Variants in TNR observed in about 807,000 individuals in gnomAD.
TNR encodes the protein tenascin R.
Under a neutral mutation model 150.4 loss-of-function variants are expected in TNR, and 45 were observed. That is an observed-to-expected ratio of 0.30 (90% CI 0.24 to 0.38). The LOEUF (loss-of-function observed/expected upper bound fraction) is 0.38. Ranked by LOEUF, TNR falls within the 10% of genes least tolerant of loss-of-function variation. TNR has a pLI of 1.00. For synonymous variants in TNR, 687 were observed against 678.4 expected, an observed-to-expected ratio of 1.01 and a Z score of -0.20; for missense variants, 1,544 against 1,759.1, an observed-to-expected ratio of 0.88 and a Z score of 2.19.
chr1:175,624,553 T>C (rs1048353470), intron 1 of TNR, among the ~76,000 whole-genome samples: 4 of 151,910 alleles, frequency 2.6e-5, no homozygotes, highest in East Asian at 1.9e-4. Flanking sequence ...AGCCAAGAAA[T>C]GCTAAGGAGT....
At chr1:175,396,375 T>A (rs1653424854) in intron 5 of TNR, among the ~76,000 whole-genome samples, 169 bp downstream of exon 5, 1 of 152,248 alleles carries the variant, frequency 6.6e-6, no homozygotes, top group Non-Finnish European at 1.5e-5. Context: ...AAGTGCCTTT[T>A]TAATGATGTA....
chr1:175,582,261 G>A (rs767526183), intron 1 of TNR, among the ~76,000 whole-genome samples: 13 of 152,154 alleles, frequency 8.5e-5, no homozygotes, highest in Non-Finnish European at 1.5e-4. Flanking sequence ...TTGTTTTTGA[G>A]TTCTTGAAAG....
chr1:175,584,350 A>C (rs1468267130), intron 1 of TNR, among the ~76,000 whole-genome samples: 1 of 152,232 alleles, frequency 6.6e-6, no homozygotes, highest in Non-Finnish European at 1.5e-5. Context: ...CAAGAATTGC[A>C]GAGAAACACC....
At chr1:175,437,958 A>G (rs913761653) in intron 2 of TNR, among the ~76,000 whole-genome samples, 1 of 152,242 alleles carries the variant, frequency 6.6e-6, no homozygotes, top group Non-Finnish European at 1.5e-5. Context: ...TACAAGGAGG[A>G]GCTGGTACCA....
intron 3 of TNR, 29 bp downstream of exon 3, chr1:175,406,187 A>G: frequency 6.2e-7 from 1 of 1,601,196 alleles, no homozygotes; most frequent in Non-Finnish European, 8.5e-7. Flanking sequence ...TCCCCTCCTG[A>G]GACCACGCTG....
chr1:175,710,132 A>G (rs1297328925), intron 1 of TNR, among the ~76,000 whole-genome samples: 1 of 152,162 alleles, frequency 6.6e-6, no homozygotes, highest in Non-Finnish European at 1.5e-5. Flanking sequence ...AATGGATTGG[A>G]GCATGACAAG....
At chr1:175,413,534 G>A (rs1159381555) in intron 2 of TNR, among the ~76,000 whole-genome samples, 7 of 152,194 alleles carry the variant, frequency 4.6e-5, no homozygotes, top group Non-Finnish European at 4.4e-5. Context: ...GTCTCCAAAG[G>A]CAACAACTTA....
In TNR at chr1:175,405,618, A is replaced by AGTGT. The variant is rs60670165; in HGVS notation, c.499+594_499+597dup. Among the ~76,000 whole-genome samples, 311 of 150,200 alleles carry AGTGT rather than the reference A, an allele frequency of 2.1e-3. 1 individual carries two copies. Among genetic ancestry groups the AGTGT allele is most frequent in the African/African-American group, 6.8e-3 (278 of 40,862 alleles). On this transcript the variant is annotated intron_variant, in intron 3 of 22. Transcript: ENST00000367674. ...GAGAGAGAGAGTATGTGTGTGTGAGAGTGTGTGTGTGTGTGTGTGTGTGTG... is the reference window on the plus strand; with the variant it reads ...GAGAGAGAGAGTATGTGTGTGTGAGAGTGTGTGTGTGTGTGTGTGTGTGTGTGTG...
At chr1:175,500,236 T>C (rs1424935964) in intron 2 of TNR, among the ~76,000 whole-genome samples, 1 of 152,136 alleles carries the variant, frequency 6.6e-6, no homozygotes, top group African/African-American at 2.4e-5. Context: ...ATCAGTCACT[T>C]GAGTTTCTGG....
intron 9 of TNR, among the ~76,000 whole-genome samples, chr1:175,370,760 C>A (rs553857699): frequency 3.3e-5 from 5 of 152,128 alleles, no homozygotes; most frequent in African/African-American, 1.2e-4. Context: ...TGAAGGGTGA[C>A]AGATGGAGGG....
At chr1:175,524,763 A>G (rs1016374476) in intron 2 of TNR, among the ~76,000 whole-genome samples, 2 of 152,260 alleles carry the variant, frequency 1.3e-5, no homozygotes, top group Non-Finnish European at 2.9e-5. Flanking sequence ...CAATGCCATT[A>G]CATTTTGCAC....
intron 1 of TNR, among the ~76,000 whole-genome samples, chr1:175,620,663 G>C (rs1663942055): frequency 6.6e-6 from 1 of 152,176 alleles, no homozygotes; most frequent in Non-Finnish European, 1.5e-5. Context: ...TTCAAAGACT[G>C]AGGACCTAGG....
At chr1:175,653,038 G>A (rs1006527418) in intron 1 of TNR, among the ~76,000 whole-genome samples, 5 of 152,200 alleles carry the variant, frequency 3.3e-5, no homozygotes, top group Non-Finnish European at 5.9e-5. Context: ...GACACCATCA[G>A]GGAGAGGAAA....
At chr1:175,362,611 C>T in intron 14 of TNR, 52 bp downstream of exon 14, 1 of 1,593,300 alleles carries the variant, frequency 6.3e-7, no homozygotes, top group Non-Finnish European at 8.6e-7. Context: ...AACAACTTCA[C>T]CCAGATCTTC....
At chr1:175,737,697 CT>C (rs1667809734) in intron 1 of TNR, among the ~76,000 whole-genome samples, 1 of 152,204 alleles carries the variant, frequency 6.6e-6, no homozygotes, top group Admixed American at 6.5e-5. Flanking sequence ...CTCCTGGGTC[CT>C]GGTAATAAAC....
intron 1 of TNR, among the ~76,000 whole-genome samples, chr1:175,564,699 A>G (rs892525697): frequency 1.3e-5 from 2 of 151,958 alleles, no homozygotes; most frequent in African/African-American, 2.4e-5. Flanking sequence ...TCAGCTGGAG[A>G]CTGGGGCCAC....
intron 1 of TNR, among the ~76,000 whole-genome samples, chr1:175,684,948 G>T (rs1208480826): frequency 3.9e-5 from 6 of 152,152 alleles, no homozygotes; most frequent in Admixed American, 6.5e-5. Context: ...CCCCAAATCA[G>T]TTAAGGTTCT....
At chr1:175,492,065 G>T (rs1012223868) in intron 2 of TNR, among the ~76,000 whole-genome samples, 3 of 152,208 alleles carry the variant, frequency 2.0e-5, no homozygotes, top group Non-Finnish European at 4.4e-5. Flanking sequence ...TCAGACAAGG[G>T]ATCCAAATTC....
In TNR at chr1:175,721,988, C is replaced by A. The variant is rs373585161; in HGVS notation, c.-165+21238G>T. 6.6e-5 allele frequency among the ~76,000 whole-genome samples: 10 copies of A among 152,230 alleles called. No homozygotes were observed. In the East Asian group the frequency reaches 1.9e-3, roughly 29 times the overall value. ...GGACTGCTACCCCAGCTGTGACTGGCTTTCAGATGTAGGGACACTCCCTCA... is the reference window on the plus strand; with the variant it reads ...GGACTGCTACCCCAGCTGTGACTGGATTTCAGATGTAGGGACACTCCCTCA... On this transcript the variant is annotated intron_variant, in intron 1 of 22. Coordinates refer to ENST00000367674, the MANE Select transcript of TNR (RefSeq NM_003285.3).
Sources: allele counts gnomAD v4.1 joint callset (sites outside exome capture counted in the v4.1 genomes callset), GRCh38; gene constraint gnomAD v4.1.1; transcripts MANE v1.5; gene names NCBI Gene and HGNC (gene_info 2026-07-23, HGNC 2026-07-21).